Variants in MAN2A1 observed in about 807,000 individuals in gnomAD.
The protein encoded by MAN2A1 is mannosidase alpha class 2A member 1, also known as alpha-mannosidase 2.
MAN2A1 carries 76 observed loss-of-function variants against 142.6 expected under a neutral mutation model. The ratio of observed to expected loss-of-function variants is 0.53; its 90% confidence interval spans 0.44 to 0.65. The LOEUF (loss-of-function observed/expected upper bound fraction) is 0.65. Ranked by LOEUF, MAN2A1 falls within the 30% of genes least tolerant of loss-of-function variation. The pLI, the probability that MAN2A1 is intolerant of heterozygous loss-of-function variation, is 0.00. For missense variants in MAN2A1, 1,311 were observed against 1,365.1 expected, an observed-to-expected ratio of 0.96 and a Z score of 0.62; for synonymous variants, 559 against 473.2, an observed-to-expected ratio of 1.18 and a Z score of -2.35.
intron 5 of MAN2A1, among the ~76,000 whole-genome samples, chr5:109,761,985 G>A (rs3797692): frequency 0.31 from 46,757 of 151,892 alleles, 7,630 homozygotes; most frequent in East Asian, 0.64. Context: ...CATGCAGTCA[G>A]TGTGGGAAAA....
chr5:109,730,069 T>G (rs972707594), intron 4 of MAN2A1, among the ~76,000 whole-genome samples: 1 of 152,014 alleles, frequency 6.6e-6, no homozygotes, highest in African/African-American at 2.4e-5. Context: ...AGTTTAAAAG[T>G]TTTTTTTAAG....
At chr5:109,835,281 C>A (rs1312473224) in intron 16 of MAN2A1, among the ~76,000 whole-genome samples, 2 of 152,130 alleles carry the variant, frequency 1.3e-5, no homozygotes, top group Non-Finnish European at 2.9e-5. Context: ...TTTCTGATAG[C>A]TATTATTATC....
At chr5:109,780,355 G>A (rs1309231800) in intron 8 of MAN2A1, among the ~76,000 whole-genome samples, 1 of 152,002 alleles carries the variant, frequency 6.6e-6, no homozygotes, top group Non-Finnish European at 1.5e-5. Flanking sequence ...CACCACACCC[G>A]GCCAGTTGTA....
Position 109,842,447 on chromosome 5 carries a change from C to G in MAN2A1, c.2686C>G (p.Leu896Val), listed in dbSNP as rs753569997. 4 of 1,558,278 alleles carry G rather than the reference C, an allele frequency of 2.6e-6. No individual in the cohort carries two copies. The South Asian group carries it at 3.5e-5, about 14-fold the overall frequency. Residue 896 changes from leucine to valine, a missense_variant, in exon 17 of 22, where the codon CTA (leucine) becomes GTA (valine). Physicochemically the swap from Leu to Val is conservative, Grantham distance 32. This residue lies in a region of MAN2A1 where 890 missense variants were observed against 920.5 expected (regional missense o/e 0.97). Transcript: ENST00000261483. ...IKSQNRFYTD[L>V]NGYQIQPRMT... is the part of the protein sequence containing the mutation. ...AAGCCAAAATAGATTTTATACTGAC[C>G]TAAATGGGTACCAGGTAATTTTTCC...
chr5:109,802,820 T>C (rs1046005194), intron 12 of MAN2A1, among the ~76,000 whole-genome samples: 3 of 152,036 alleles, frequency 2.0e-5, no homozygotes, highest in Non-Finnish European at 4.4e-5. Context: ...TACTTCAAGC[T>C]TCCCTCATCA....
intron 20 of MAN2A1, among the ~76,000 whole-genome samples, chr5:109,861,333 CTAA>C (rs1755749743): frequency 6.6e-6 from 1 of 152,078 alleles, no homozygotes; most frequent in African/African-American, 2.4e-5. Flanking sequence ...GCAGTTGTCA[CTAA>C]TAATGAGGTA....
chr5:109,720,459 A>G (rs1425900526), intron 3 of MAN2A1, among the ~76,000 whole-genome samples: 1 of 152,220 alleles, frequency 6.6e-6, no homozygotes, highest in Non-Finnish European at 1.5e-5. Context: ...AAGTTTGTAA[A>G]AAAAGAATAA....
intron 15 of MAN2A1, among the ~76,000 whole-genome samples, chr5:109,822,143 GTT>G (rs930264225): frequency 7.4e-6 from 1 of 135,294 alleles, no homozygotes. Context: ...TTTGTTTTTG[GTT>G]TTTTTTTTGG....
intron 4 of MAN2A1, among the ~76,000 whole-genome samples, chr5:109,750,642 C>G (rs1468435767): frequency 1.3e-5 from 2 of 151,964 alleles, no homozygotes; most frequent in Non-Finnish European, 2.9e-5. Context: ...ATATATTTGC[C>G]TATTTTTGAC....
intron 1 of MAN2A1, among the ~76,000 whole-genome samples, chr5:109,702,007 C>G (rs12515362): frequency 6.6e-6 from 1 of 152,090 alleles, no homozygotes; most frequent in Non-Finnish European, 1.5e-5. Flanking sequence ...TCAGCATAGC[C>G]GAGAATGAAT....
chr5:109,845,932 C>T lies in MAN2A1; in HGVS notation c.2768C>T (p.Ala923Val). ...QANVYPMTTM[A>V]YIQDAKHRLT... ...AATGTCTATCCCATGACCACAATGGCCTATATCCAGGATGCCAAACATCGT... is the reference window on the plus strand; with the variant it reads ...AATGTCTATCCCATGACCACAATGGTCTATATCCAGGATGCCAAACATCGT... The change falls in exon 18 of 22, where the codon GCC becomes GTC. Residue 923 changes from alanine (A) to valine (V), a missense_variant. Coordinates refer to ENST00000261483, the MANE Select transcript of MAN2A1 (RefSeq NM_002372.4). 6.2e-7 allele frequency: 1 copy of T among 1,613,682 alleles called. No individual in the cohort carries two copies. Among genetic ancestry groups the T allele is most frequent in the Non-Finnish European group, 8.5e-7 (1 of 1,179,650 alleles).
chr5:109,781,939 G>A (rs967231479), intron 9 of MAN2A1, among the ~76,000 whole-genome samples: 22 of 152,092 alleles, frequency 1.4e-4, no homozygotes, highest in Non-Finnish European at 2.9e-4. Flanking sequence ...GTGTCTGCAG[G>A]CTGGTAATCT....
chr5:109,798,915 A>G lies in MAN2A1; in HGVS notation c.1943+9388A>G, dbSNP rs185874261. Among the ~76,000 whole-genome samples, 71 of 152,180 alleles carry G rather than the reference A, an allele frequency of 4.7e-4. 1 individual carries two copies. Among genetic ancestry groups the G allele is most frequent in the African/African-American group, 1.5e-3 (64 of 41,534 alleles). On this transcript the variant is annotated intron_variant, in intron 12 of 21. Transcript: ENST00000261483. The stretch of plus-strand genomic sequence containing the variant: ...CACCGTGTTAGTCAGGATGGTCTCT[A>G]TCTCCTGACCTCATGATCCGCCCAC...
intron 1 of MAN2A1, among the ~76,000 whole-genome samples, chr5:109,703,624 T>C (rs17162093): frequency 0.024 from 3,660 of 152,270 alleles, 133 homozygotes; most frequent in African/African-American, 0.084. Context: ...CTGCAAAGAA[T>C]AGTGTTCCAT....
intron 16 of MAN2A1, among the ~76,000 whole-genome samples, chr5:109,833,082 G>C (rs1007033158): frequency 6.6e-6 from 1 of 151,528 alleles, no homozygotes; most frequent in Non-Finnish European, 1.5e-5. Context: ...GGGTGGCGGG[G>C]CAGAGGCGCT....
chr5:109,866,838 C>A lies in MAN2A1; in HGVS notation c.3283-8C>A. The A allele has an allele frequency of 6.3e-7, 1 of 1,578,568 alleles. No homozygotes were observed. Among genetic ancestry groups the A allele is most frequent in the South Asian group, 1.1e-5 (1 of 87,766 alleles). On this transcript the variant is annotated splice_region_variant and splice_polypyrimidine_tract_variant and intron_variant, in intron 21 of 21. Coordinates refer to ENST00000261483, the MANE Select transcript of MAN2A1 (RefSeq NM_002372.4). ...CTAAATATGTAAATTTTATCATTTA[C>A]TTTTCAGATATTGGTACAGAAACTT...
At chr5:109,824,651 C>A (rs1416371395) in intron 16 of MAN2A1, among the ~76,000 whole-genome samples, 1 of 152,114 alleles carries the variant, frequency 6.6e-6, no homozygotes, top group Non-Finnish European at 1.5e-5. Context: ...AGAAAAAATA[C>A]TATTTCCCTG....
intron 7 of MAN2A1, among the ~76,000 whole-genome samples, chr5:109,774,079 T>C (rs1255584944): frequency 1.3e-5 from 2 of 152,200 alleles, no homozygotes; most frequent in African/African-American, 4.8e-5. Flanking sequence ...CAAAAGCTAT[T>C]CCATCAAGCT....
intron 4 of MAN2A1, among the ~76,000 whole-genome samples, chr5:109,739,727 T>G (rs752441996): frequency 1.3e-5 from 2 of 152,328 alleles, no homozygotes; most frequent in Non-Finnish European, 2.9e-5. Context: ...TACTTTCAGT[T>G]TCCTTGCTGT....
Sources: allele counts gnomAD v4.1 joint callset (sites outside exome capture counted in the v4.1 genomes callset), GRCh38; gene constraint gnomAD v4.1.1; regional missense constraint gnomAD v4.1.1; transcripts MANE v1.5; gene names NCBI Gene and HGNC (gene_info 2026-07-23, HGNC 2026-07-21).